SH3RF3: variants seen among roughly 807,000 people sequenced by gnomAD.
SH3RF3 encodes the protein SH3 domain containing ring finger 3, also known as E3 ubiquitin-protein ligase SH3RF3.
Under a neutral mutation model 66.3 loss-of-function variants are expected in SH3RF3, and 29 were observed. The ratio of observed to expected loss-of-function variants is 0.44; its 90% CI spans 0.33 to 0.60. The LOEUF is 0.60. SH3RF3 is among the 20% of genes least tolerant of loss of function. The probability of loss-of-function intolerance (pLI) is 0.04; values close to 1 mark genes in which losing one functional copy is unlikely to be tolerated. For missense variants in SH3RF3, 1,194 were observed against 1,190.9 expected (o/e 1.00, Z -0.04); for synonymous variants, 583 against 532.0 (o/e 1.10, Z -1.32).
intron 1 of SH3RF3, among the ~76,000 whole-genome samples, chr2:109,265,990 G>A (rs528015772): frequency 2.6e-5 from 4 of 152,222 alleles, no homozygotes; most frequent in South Asian, 2.1e-4. Flanking sequence ...GCTTATGTGC[G>A]CATGTGTGTC....
At chr2:109,458,533 T>A (rs1678121138) in intron 8 of SH3RF3, among the ~76,000 whole-genome samples, 1 of 138,492 alleles carries the variant, frequency 7.2e-6, no homozygotes, top group South Asian at 2.3e-4. Context: ...TTGGTTTGTA[T>A]CAGTCAGGGA....
intron 4 of SH3RF3, among the ~76,000 whole-genome samples, chr2:109,415,475 C>T (rs562157893): frequency 4.6e-5 from 7 of 152,156 alleles, no homozygotes; most frequent in South Asian, 2.1e-4. Context: ...GCTACAGTCG[C>T]GGCTGCTATT....
In SH3RF3 at chr2:109,289,173, C is replaced by G. The variant is rs187642159; in HGVS notation, c.574-58501C>G. ...CTCCTCCTCCATCCCCTGTCTCTCT[C>G]TCTCTGCAGAAAAAGCCCCTTTCTC... is the stretch of plus-strand genomic sequence containing the variant. On this transcript the variant is annotated intron_variant, in intron 1 of 9. Transcript: ENST00000309415. Among the ~76,000 whole-genome samples the G allele has an allele frequency of 6.4e-4, 97 of 152,284 alleles. 1 individual carries two copies. Among genetic ancestry groups the G allele is most frequent in the African/African-American group, 1.9e-3 (79 of 41,554 alleles).
chr2:109,496,835 A>C (rs1257690112), intron 9 of SH3RF3, among the ~76,000 whole-genome samples: 2 of 152,250 alleles, frequency 1.3e-5, no homozygotes, highest in Non-Finnish European at 2.9e-5. Flanking sequence ...CTTTAAAATA[A>C]AGAGATTACC....
chr2:109,498,541 G>A (rs1349851913), intron 9 of SH3RF3, among the ~76,000 whole-genome samples: 2 of 152,232 alleles, frequency 1.3e-5, no homozygotes, highest in East Asian at 1.9e-4. Flanking sequence ...GGGTGGGGAA[G>A]GGCAAAGGCT....
intron 8 of SH3RF3, among the ~76,000 whole-genome samples, chr2:109,456,634 TCTC>T (rs1438833760): frequency 1.3e-5 from 2 of 152,156 alleles, no homozygotes; most frequent in Admixed American, 1.3e-4. Context: ...TGTCCCCAGT[TCTC>T]CTGTAGAAAC....
chr2:109,456,434 A>G (rs1678061049), intron 8 of SH3RF3, among the ~76,000 whole-genome samples: 2 of 152,242 alleles, frequency 1.3e-5, no homozygotes, highest in Admixed American at 1.3e-4. Flanking sequence ...TTTGGAAGGC[A>G]TAAACTGCTG....
At chr2:109,247,801 T>C (rs887440836) in intron 1 of SH3RF3, among the ~76,000 whole-genome samples, 7 of 152,236 alleles carry the variant, frequency 4.6e-5, no homozygotes, top group Non-Finnish European at 7.3e-5. Context: ...CTGTTGTGTG[T>C]GTTGGCTGGG....
chr2:109,348,867 G>T (rs1183783900), intron 2 of SH3RF3, among the ~76,000 whole-genome samples: 1 of 152,170 alleles, frequency 6.6e-6, no homozygotes, highest in South Asian at 2.1e-4. Context: ...TCCTAATGCA[G>T]ATCTCTGATG....
chr2:109,313,305 G>A (rs1345711648), intron 1 of SH3RF3, among the ~76,000 whole-genome samples: 1 of 152,208 alleles, frequency 6.6e-6, no homozygotes, highest in African/African-American at 2.4e-5. Flanking sequence ...TCCATCCCAA[G>A]GGGGGAGGCT....
At chr2:109,235,303 C>T (rs1679620511) in intron 1 of SH3RF3, among the ~76,000 whole-genome samples, 1 of 152,174 alleles carries the variant, frequency 6.6e-6, no homozygotes, top group African/African-American at 2.4e-5. Context: ...TTTCTTCTCC[C>T]CTCCCCCTTC....
intron 1 of SH3RF3, among the ~76,000 whole-genome samples, chr2:109,199,616 A>AACCCGAG: frequency 7.7e-3 from 1 of 130 alleles, no homozygotes; most frequent in East Asian, 0.25. Flanking sequence ...ATGGAATGGA[A>AACCCGAG]TGGAATGGAA....
chr2:109,137,986 C>T (rs1276471045), intron 1 of SH3RF3, among the ~76,000 whole-genome samples: 2 of 152,212 alleles, frequency 1.3e-5, no homozygotes, highest in East Asian at 1.9e-4. Context: ...CCCATAAATG[C>T]AATGGCAGAC....
chr2:109,426,312 G>A (rs1301378254), intron 5 of SH3RF3, among the ~76,000 whole-genome samples: 1 of 152,140 alleles, frequency 6.6e-6, no homozygotes. Flanking sequence ...ACCATTCTAG[G>A]GCCATTATGA....
At chr2:109,351,628 A>T (rs992709170) in intron 2 of SH3RF3, among the ~76,000 whole-genome samples, 2 of 152,222 alleles carry the variant, frequency 1.3e-5, no homozygotes, top group African/African-American at 4.8e-5. Context: ...TCCAGCTGGG[A>T]TGCTCAGGAA....
At chr2:109,399,868 C>T (rs1676256225) in intron 4 of SH3RF3, among the ~76,000 whole-genome samples, 1 of 152,194 alleles carries the variant, frequency 6.6e-6, no homozygotes, top group Non-Finnish European at 1.5e-5. Context: ...AGGACTGTGG[C>T]AGATGTCCAT....
intron 3 of SH3RF3, among the ~76,000 whole-genome samples, chr2:109,389,366 C>T (rs1675918007): frequency 6.6e-6 from 1 of 152,240 alleles, no homozygotes; most frequent in Non-Finnish European, 1.5e-5. Flanking sequence ...GTGCCGACAG[C>T]TTTCTGTCTT....
intron 1 of SH3RF3, among the ~76,000 whole-genome samples, chr2:109,202,898 C>G (rs1375374480): frequency 6.6e-6 from 1 of 152,172 alleles, no homozygotes; most frequent in Non-Finnish European, 1.5e-5. Flanking sequence ...CAGTTTTGTC[C>G]CGATAGTAAT....
chr2:109,149,340 C>T (rs534806540), intron 1 of SH3RF3, among the ~76,000 whole-genome samples: 1 of 152,336 alleles, frequency 6.6e-6, no homozygotes. Flanking sequence ...AGCTCCTCTA[C>T]TCCATTTAAT....
Sources: gnomAD v4.1 joint callset for allele counts (sites outside exome capture counted in the v4.1 genomes callset) on GRCh38, gnomAD v4.1.1 for gene constraint, MANE v1.5 for transcripts, NCBI Gene and HGNC (gene_info 2026-07-23, HGNC 2026-07-21) for gene names.